The following GPR132 variants were observed in gnomAD, a reference collection of about 807,000 sequenced individuals.
GPR132 encodes the protein probable G protein-coupled receptor 132.
Under a neutral mutation model 1.9 loss-of-function variants are expected in GPR132, and 4 were observed. That is an observed-to-expected ratio of 2.13 (90% CI 1.05 to 4.87). GPR132 has a LOEUF of 4.87. Among genes scored for constraint, GPR132 ranks in the 30% most tolerant of loss-of-function variants. The pLI is 0.01. For synonymous variants in GPR132, 233 were observed against 234.2 expected, an observed-to-expected ratio of 0.99 and a Z score of 0.05; for missense variants, 404 against 512.5, an observed-to-expected ratio of 0.79 and a Z score of 2.04.
intron 1 of GPR132, among the ~76,000 whole-genome samples, chr14:105,063,268 G>A (rs1209309877): frequency 6.6e-6 from 1 of 151,928 alleles, no homozygotes; most frequent in Non-Finnish European, 1.5e-5. Flanking sequence ...TTCCTGGGAT[G>A]GACATTTCAA....
intron 2 of GPR132, 93 bp downstream of exon 2, chr14:105,057,074 G>T: frequency 2.4e-6 from 2 of 846,278 alleles, no homozygotes; most frequent in Non-Finnish European, 3.8e-6. Flanking sequence ...CTATTTTTAT[G>T]CGTTAATTTT....
In GPR132 at chr14:105,060,008, C is replaced by T. The variant is rs1325054639; in HGVS notation, c.-860-2728G>A. On this transcript the variant is annotated intron_variant, in intron 1 of 3. Coordinates refer to ENST00000329797, the MANE Select transcript of GPR132 (RefSeq NM_013345.4). This position sits in a 1 kb window ranked among gnomAD's most constrained non-coding sequence, Gnocchi z 6.3. Reference sequence around the variant, plus strand: ...CCCCTTGGCGGTGGGTGGTGTGGGCCGGAGGGGTTCCTGGGCTACCCATTC... The same window carrying T: ...CCCCTTGGCGGTGGGTGGTGTGGGCTGGAGGGGTTCCTGGGCTACCCATTC... 6.6e-6 allele frequency among the ~76,000 whole-genome samples: 1 copy of T among 152,192 alleles called. No homozygotes were observed. Among genetic ancestry groups the T allele is most frequent in the Admixed American group, 6.5e-5 (1 of 15,282 alleles).
chr14:105,054,573 G>A (rs929741331), intron 3 of GPR132, among the ~76,000 whole-genome samples: 15 of 151,426 alleles, frequency 9.9e-5, no homozygotes, highest in African/African-American at 3.4e-4. Context: ...TGGGACTACA[G>A]GCACTCGCCA....
rs1296634048 is a variant in GPR132 at position 105,056,394 on chromosome 14, CG to C, written c.-746-229del. Among the ~76,000 whole-genome samples, 2 of 152,172 alleles carry C rather than the reference CG, an allele frequency of 1.3e-5. No homozygotes were observed. Among genetic ancestry groups the C allele is most frequent in the Non-Finnish European group, 2.9e-5 (2 of 68,034 alleles). ...CGAGTCCTGAGCTCAGAGGAAGTTT[CG>C]GGCCCCCTACACGGCCCCGTCTCTT... On this transcript the variant is annotated intron_variant, in intron 2 of 3. Transcript: ENST00000329797. The surrounding 1 kb of genome is among the most constrained non-coding windows in gnomAD (Gnocchi z 6.0).
In GPR132 at chr14:105,050,879, G is replaced by T; in HGVS notation, c.*115C>A. 2.1e-6 allele frequency: 2 copies of T among 939,872 alleles called. No homozygotes were observed. The highest frequency in any genetic ancestry group is 3.2e-6 in the Non-Finnish European group (2 of 629,322). The allele number at this position is 939,872 out of a possible 1,614,324, so 58.2% of individuals were successfully genotyped here. On this transcript the variant is annotated 3_prime_UTR_variant, in exon 4 of 4. Transcript: ENST00000329797. This position sits in a 1 kb window ranked among gnomAD's most constrained non-coding sequence, Gnocchi z 4.0. ...GGAGTGGCTTCAGGAACGAGAAATT[G>T]GTAGTTTGTCTTCCAGAGGGGACAT...
Position 105,051,273 on chromosome 14 carries a change from T to C in GPR132, c.864A>G (p.Thr288=), listed in dbSNP as rs747500325. ...ACAGGCACAGAAACACCACAGAGGC[T>C]GTGTACAGCCTTTCCTCCAAGCCGC... The part of the protein sequence containing the change: ...AMCGLEERLY[T]ASVVFLCLST... Residue 288 remains threonine, a synonymous_variant, in exon 4 of 4, where the codon ACA becomes ACG. Coordinates refer to ENST00000329797, the MANE Select transcript of GPR132 (RefSeq NM_013345.4). The surrounding 1 kb of genome is among the most constrained non-coding windows in gnomAD (Gnocchi z 8.0). 3 of 1,613,762 alleles carry C rather than the reference T, an allele frequency of 1.9e-6. No individual in the cohort carries two copies. The highest frequency in any genetic ancestry group is 1.7e-5 in the Admixed American group (1 of 60,018).
In GPR132 at chr14:105,055,329, G is replaced by GA. The variant is rs938573825; in HGVS notation, c.34+57dup. On this transcript the variant is annotated intron_variant, in intron 3 of 3. Transcript: ENST00000329797. The surrounding 1 kb of genome is among the most constrained non-coding windows in gnomAD (Gnocchi z 4.7). The stretch of plus-strand genomic sequence containing the variant: ...GCGATAGAGTGAGACTCAATCGCAA[G>GA]AAAAAAAAATTGAAAAAGTGGAAAA... 1.6e-4 allele frequency: 120 copies of GA among 770,436 alleles called. No individual in the cohort carries two copies. Among genetic ancestry groups the GA allele is most frequent in the Middle Eastern group, 4.5e-4 (2 of 4,420 alleles). 47.7% of individuals were successfully genotyped at this position (770,436 alleles called of 1,614,324 possible). A position where few individuals can be genotyped will look rare whatever the true frequency, so the allele number is the denominator to read the frequency against.
rs1294756466 is a variant in GPR132, at chr14:105,051,506, G to GGTTGGTGAAGGCGATGATGGAGAGAGC, written c.630_631insGCTCTCTCCATCATCGCCTTCACCAAC (p.Ile210_Pro211insAlaLeuSerIleIleAlaPheThrAsn). 6.2e-7 allele frequency: 1 copy of GGTTGGTGAAGGCGATGATGGAGAGAGC among 1,613,950 alleles called. No homozygotes were observed. Among genetic ancestry groups the GGTTGGTGAAGGCGATGATGGAGAGAGC allele is most frequent in the Non-Finnish European group, 8.5e-7 (1 of 1,180,028 alleles). The stretch of plus-strand genomic sequence containing the variant: ...TTGGTGAAGGCGATGATGGAGAGAG[G>GGTTGGTGAAGGCGATGATGGAGAGAGC]GATGGCAAAGCCAACGGTGAACCTG... On this transcript the variant is annotated inframe_insertion, in exon 4 of 4. Coordinates refer to ENST00000329797, the MANE Select transcript of GPR132 (RefSeq NM_013345.4). The surrounding 1 kb of genome is among the most constrained non-coding windows in gnomAD (Gnocchi z 8.0).
At chr14:105,063,201 G>A (rs1456239335) in intron 1 of GPR132, among the ~76,000 whole-genome samples, 1 of 152,110 alleles carries the variant, frequency 6.6e-6, no homozygotes, top group Non-Finnish European at 1.5e-5. Context: ...GAATACAGGC[G>A]TGAGCCACCA....
rs1422141435 is a variant in GPR132 at position 105,055,835 on chromosome 14, G to A, written c.-415C>T. 2 of 186,026 alleles carry A rather than the reference G, an allele frequency of 1.1e-5. No homozygotes were observed. The highest frequency in any genetic ancestry group is 2.2e-5 in the Non-Finnish European group (2 of 89,970). 11.5% of individuals were successfully genotyped at this position (186,026 alleles called of 1,614,324 possible). A position where few individuals can be genotyped will look rare whatever the true frequency, so the allele number is the denominator to read the frequency against. On this transcript the variant is annotated 5_prime_UTR_variant, in exon 3 of 4. The change creates a new upstream start codon in the 5' untranslated region. Coordinates refer to ENST00000329797, the MANE Select transcript of GPR132 (RefSeq NM_013345.4). This position sits in a 1 kb window ranked among gnomAD's most constrained non-coding sequence, Gnocchi z 4.7. ...GCACGTGTGGCGTGTGGCGTGTGGC[G>A]TGTGGCGTGTTCTGCTCAGCCACGA... is the stretch of plus-strand genomic sequence containing the variant.
intron 1 of GPR132, among the ~76,000 whole-genome samples, chr14:105,063,999 C>T (rs557372935): frequency 6.6e-6 from 1 of 152,052 alleles, no homozygotes; most frequent in South Asian, 2.1e-4. Flanking sequence ...GCCACCACGC[C>T]CGGCTAATTT....
At chr14:105,054,244 C>A (rs369024290) in intron 3 of GPR132, 4 of 1,170,890 alleles carry the variant, frequency 3.4e-6, no homozygotes, top group Admixed American at 3.6e-5. Context: ...TGTGCCCTGG[C>A]GCGAGGTCAG....
Position 105,056,593 on chromosome 14 carries a change from C to T in GPR132, c.-746-427G>A, listed in dbSNP as rs1328325547. ...CTCCCCCACCCCACACATCGTCGCC[C>T]GTGCGGTCTCAGTCAGGGCCTCGGT... On this transcript the variant is annotated intron_variant, in intron 2 of 3. Coordinates refer to ENST00000329797, the MANE Select transcript of GPR132 (RefSeq NM_013345.4). The surrounding 1 kb of genome is among the most constrained non-coding windows in gnomAD (Gnocchi z 6.0). 6.6e-6 allele frequency among the ~76,000 whole-genome samples: 1 copy of T among 152,216 alleles called. No individual in the cohort carries two copies. Among genetic ancestry groups the T allele is most frequent in the East Asian group, 1.9e-4 (1 of 5,196 alleles).
At position 105,059,541 on chromosome 14, in the gene GPR132, T is replaced by C. The variant is rs1886886902; in HGVS notation, c.-860-2261A>G. Among the ~76,000 whole-genome samples the C allele has an allele frequency of 6.6e-6, 1 of 151,952 alleles. No individual in the cohort carries two copies. Among genetic ancestry groups the C allele is most frequent in the South Asian group, 2.1e-4 (1 of 4,822 alleles). ...TCCTTTGGAGAGACTTATCAGAAAC[T>C]GAAAACAATGCAACCATTTGTCTCT... On this transcript the variant is annotated intron_variant, in intron 1 of 3. Transcript: ENST00000329797. This position sits in a 1 kb window ranked among gnomAD's most constrained non-coding sequence, Gnocchi z 4.2.
chr14:105,057,511 C>CTTTTT (rs11299805), intron 1 of GPR132: 78 of 88,878 alleles, frequency 8.8e-4, no homozygotes, highest in Non-Finnish European at 9.3e-4. Context: ...ACATACGATT[C>CTTTTT]TTTTTTTTTT....
rs1436605220 is a variant in GPR132, at chr14:105,051,400, G to A, written c.737C>T (p.Ala246Val). The change falls in exon 4 of 4, where the codon GCG (alanine) becomes GTG (valine). Residue 246 changes from alanine to valine, a missense_variant. Ala to Val is a moderately conservative substitution (Grantham distance 64, BLOSUM62 0). Coordinates refer to ENST00000329797, the MANE Select transcript of GPR132 (RefSeq NM_013345.4). The surrounding 1 kb of genome is among the most constrained non-coding windows in gnomAD (Gnocchi z 8.0). ...QKAKVKHSAI[A>V]VVVIFLVCFA... Reference sequence around the variant, plus strand: ...GCAGACTAGGAAGATGACAACCACCGCGATGGCCGAGTGCTTCACCTTGGC... The same window carrying A: ...GCAGACTAGGAAGATGACAACCACCACGATGGCCGAGTGCTTCACCTTGGC... 3 of 1,614,130 alleles carry A rather than the reference G, an allele frequency of 1.9e-6. No individual in the cohort carries two copies. Among genetic ancestry groups the A allele is most frequent in the African/African-American group, 1.3e-5 (1 of 75,054 alleles).
At chr14:105,058,332 G>A (rs982066760) in intron 1 of GPR132, among the ~76,000 whole-genome samples, 5 of 152,138 alleles carry the variant, frequency 3.3e-5, no homozygotes, top group African/African-American at 9.7e-5. Context: ...CTGCACTCCG[G>A]CCTGGCTACA....
Position 105,051,099 on chromosome 14 carries a change from C to T in GPR132, c.1038G>A (p.Glu346=). 6.2e-7 allele frequency: 1 copy of T among 1,614,180 alleles called. No individual in the cohort carries two copies. ...TRLTHSRDTE[E]LQSPVALADH... ...CTGCAAGGGCCACGGGCGACTGCAG[C>T]TCCTCGGTGTCCCTGCTGTGGGTGA... The change falls in exon 4 of 4, where the codon GAG becomes GAA. Residue 346 remains glutamate, a synonymous_variant. Coordinates refer to ENST00000329797, the MANE Select transcript of GPR132 (RefSeq NM_013345.4). The surrounding 1 kb of genome is among the most constrained non-coding windows in gnomAD (Gnocchi z 8.0).
At chr14:105,064,396 C>T (rs1462068098) in intron 1 of GPR132, among the ~76,000 whole-genome samples, 1 of 152,054 alleles carries the variant, frequency 6.6e-6, no homozygotes, top group East Asian at 1.9e-4. Flanking sequence ...TGCAATGGCG[C>T]GATCTCGGCT....
Sources: allele counts gnomAD v4.1 joint callset (sites outside exome capture counted in the v4.1 genomes callset), GRCh38; gene constraint gnomAD v4.1.1; non-coding constraint Gnocchi (gnomAD v3.1); transcripts MANE v1.5; gene names NCBI Gene and HGNC (gene_info 2026-07-23, HGNC 2026-07-21).